DHX37: variants seen among roughly 807,000 people sequenced by gnomAD.
DHX37 encodes probable ATP-dependent RNA helicase DHX37.
In DHX37, 52 loss-of-function variants were observed where a neutral mutation model predicts 134.3. The observed-to-expected ratio is 0.39, with a 90% confidence interval of 0.31 to 0.49. The LOEUF (loss-of-function observed/expected upper bound fraction) is 0.49, where lower values mean the gene tolerates loss of function less well. Among genes scored for constraint, DHX37 ranks in the 20% least tolerant of loss-of-function variants. DHX37 has a pLI of 0.93. For missense variants in DHX37, 1,344 were observed against 1,580.8 expected, an observed-to-expected ratio of 0.85 and a Z score of 2.54; for synonymous variants, 634 against 670.7, an observed-to-expected ratio of 0.95 and a Z score of 0.85.
intron 21 of DHX37, 110 bp from the exon 22 acceptor site, chr12:124,950,914 G>A: frequency 7.2e-7 from 1 of 1,398,548 alleles, no homozygotes; most frequent in South Asian, 1.6e-5. Flanking sequence ...GCAAAAGTGG[G>A]AGAGTGCTCC....
Position 124,948,161 on chromosome 12 carries a change from C to T in DHX37, c.3311G>A (p.Ser1104Asn). 6.2e-7 allele frequency: 1 copy of T among 1,614,148 alleles called. No homozygotes were observed. The highest frequency in any genetic ancestry group is 8.5e-7 in the Non-Finnish European group (1 of 1,180,036). Residue 1104 changes from serine (S) to asparagine (N), a missense_variant, in exon 26 of 27, where the codon AGC becomes AAC. Physicochemically the swap from Ser to Asn is conservative, Grantham distance 46 (BLOSUM62 1). Around this residue, in one of 7 missense-constraint regions of DHX37, gnomAD observed 558 missense variants for 650.0 expected, o/e 0.86. Transcript: ENST00000308736. ...TWARLQPRTESLLRALVAEKA... is the reference protein window; with the variant it reads ...TWARLQPRTENLLRALVAEKA... Reference sequence around the variant, plus strand: ...CTCTGCAACCAGGGCTCGCAGAAGGCTCTCCGTACGGGGCTGCAGCCTGTG... The same window carrying T: ...CTCTGCAACCAGGGCTCGCAGAAGGTTCTCCGTACGGGGCTGCAGCCTGTG...
At chr12:124,973,658 T>TTTTTA (rs1954567642) in intron 6 of DHX37, among the ~76,000 whole-genome samples, 1 of 148,278 alleles carries the variant, frequency 6.7e-6, no homozygotes, top group African/African-American at 2.5e-5. Flanking sequence ...TTTTTTTTTT[T>TTTTTA]GAGATGGAGT....
At chr12:124,963,895 A>AAG (rs1266434465) in intron 15 of DHX37, among the ~76,000 whole-genome samples, 2 of 111,518 alleles carry the variant, frequency 1.8e-5, no homozygotes, top group African/African-American at 6.6e-5. Flanking sequence ...AAAAAAAAAA[A>AAG]AAAAAAAAAG....
intron 20 of DHX37, 187 bp downstream of exon 20, chr12:124,953,693 G>T: frequency 1.9e-6 from 2 of 1,056,024 alleles, no homozygotes; most frequent in Non-Finnish European, 1.3e-6. Context: ...ATCTGTTAGT[G>T]CCCTGCTCAT....
chr12:124,953,709 C>T, intron 20 of DHX37, 171 bp downstream of exon 20: 1 of 1,194,932 alleles, frequency 8.4e-7, no homozygotes, highest in South Asian at 1.6e-5. Context: ...CTCATGTGCA[C>T]ATTCCCTTGT....
intron 7 of DHX37, 105 bp from the exon 8 acceptor site, chr12:124,971,520 G>A: frequency 6.6e-7 from 1 of 1,507,534 alleles, no homozygotes; most frequent in Non-Finnish European, 8.9e-7. Flanking sequence ...AGGAAGGGCA[G>A]CTGCTCTTCA....
At chr12:124,972,712 CTGGCAACCT>C in intron 6 of DHX37, 113 bp from the exon 7 acceptor site, 1 of 938,016 alleles carries the variant, frequency 1.1e-6, no homozygotes, top group South Asian at 1.4e-5. Flanking sequence ...GCAGGGCCCG[CTGGCAACCT>C]GAAACAAGTC....
rs148702687 is a variant in DHX37 at position 124,966,928 on chromosome 12, G to A, written c.1505-50C>T. ...AAAGGCGTCTGTGGCCGGCGTGGTCGCCAGCACACTGCCCTTTGTTGTTCA... is the reference window on the plus strand; with the variant it reads ...AAAGGCGTCTGTGGCCGGCGTGGTCACCAGCACACTGCCCTTTGTTGTTCA... On this transcript the variant is annotated intron_variant, in intron 11 of 26. Coordinates refer to ENST00000308736, the MANE Select transcript of DHX37 (RefSeq NM_032656.4). 1.4e-4 allele frequency: 223 copies of A among 1,608,242 alleles called. 2 individuals are homozygous for A. The African/African-American group carries it at 1.6e-3, about 12-fold the overall frequency.
intron 6 of DHX37, 32 bp downstream of exon 6, chr12:124,975,387 C>T: frequency 3.1e-6 from 5 of 1,608,014 alleles, no homozygotes; most frequent in Non-Finnish European, 3.4e-6. Context: ...AGGACCACCC[C>T]ATAGTCCGCC....
intron 21 of DHX37, among the ~76,000 whole-genome samples, chr12:124,952,034 C>A (rs1594472326): frequency 6.6e-6 from 1 of 152,080 alleles, no homozygotes; most frequent in African/African-American, 2.4e-5. Context: ...GCAGTCCCAA[C>A]TACTCAGGAG....
At chr12:124,987,235 C>T (rs1319850694) in intron 1 of DHX37, among the ~76,000 whole-genome samples, 2 of 152,172 alleles carry the variant, frequency 1.3e-5, no homozygotes, top group African/African-American at 4.8e-5. Flanking sequence ...CCCAGCTACA[C>T]AGGAGGCTGA....
At chr12:124,966,654 G>A in intron 12 of DHX37, 139 bp downstream of exon 12, 2 of 886,162 alleles carry the variant, frequency 2.3e-6, no homozygotes, top group South Asian at 1.6e-5. Context: ...ATGAGCCACT[G>A]TGCCTGACCA....
rs2135934714 is a variant in DHX37 at position 124,956,973 on chromosome 12, A to T, written c.2264+56T>A. Reference sequence around the variant, plus strand: ...CTTGAGGCAGCTCAGGCCCAGCAAAAGGGAGAGAGGGCCCTGAACGGGGCA... The same window carrying T: ...CTTGAGGCAGCTCAGGCCCAGCAAATGGGAGAGAGGGCCCTGAACGGGGCA... On this transcript the variant is annotated intron_variant, in intron 17 of 26. Coordinates refer to ENST00000308736, the MANE Select transcript of DHX37 (RefSeq NM_032656.4). 4 of 1,520,730 alleles carry T rather than the reference A, an allele frequency of 2.6e-6. No homozygotes were observed. The East Asian group carries it at 9.5e-5, about 36-fold the overall frequency. The allele number at this position is 1,520,730 out of a possible 1,614,324, so 94.2% of individuals were successfully genotyped here.
chr12:124,960,002 G>A (rs1228104108), intron 16 of DHX37, among the ~76,000 whole-genome samples: 1 of 152,240 alleles, frequency 6.6e-6, no homozygotes, highest in African/African-American at 2.4e-5. Flanking sequence ...CTGGGTCGGA[G>A]AAGGCTGCAG....
chr12:124,948,139 T>G lies in DHX37; in HGVS notation c.3333A>C (p.Ala1111=). The G allele has an allele frequency of 1.2e-6, 2 of 1,614,238 alleles. No individual in the cohort carries two copies. ...RTESLLRALV[A]EKADCHEALL... ...AGGCTTCATGGCAGTCAGCCTTCTC[T>G]GCAACCAGGGCTCGCAGAAGGCTCT... The change falls in exon 26 of 27, where the codon GCA becomes GCC. Residue 1111 remains alanine, a synonymous_variant. Coordinates refer to ENST00000308736, the MANE Select transcript of DHX37 (RefSeq NM_032656.4).
intron 1 of DHX37, among the ~76,000 whole-genome samples, chr12:124,987,822 T>A (rs1954904067): frequency 6.6e-6 from 1 of 152,144 alleles, no homozygotes; most frequent in Admixed American, 6.6e-5. Context: ...AATGCTCCAA[T>A]GAGCATTTCC....
chr12:124,980,994 A>C lies in DHX37; in HGVS notation c.390-156T>G. On this transcript the variant is annotated intron_variant, in intron 3 of 26. Coordinates refer to ENST00000308736, the MANE Select transcript of DHX37 (RefSeq NM_032656.4). This position sits in a 1 kb window ranked among gnomAD's most constrained non-coding sequence, Gnocchi z 5.3. The stretch of plus-strand genomic sequence containing the variant: ...GCAGATACCTCCTCTCACTCCACTT[A>C]AGCCTCTGCTTAAGCACTAGCTGTC... 1 of 331,768 alleles carries C rather than the reference A, an allele frequency of 3.0e-6. No individual in the cohort carries two copies. Among genetic ancestry groups the C allele is most frequent in the Non-Finnish European group, 4.3e-6 (1 of 232,926 alleles). The allele number at this position is 331,768 out of a possible 1,614,324, so 20.6% of individuals were successfully genotyped here. A position where few individuals can be genotyped will look rare whatever the true frequency, so the allele number is the denominator to read the frequency against.
rs773001817 is a variant in DHX37 at position 124,953,995 on chromosome 12, G to A, written c.2580C>T (p.Gly860=). 1.2e-5 allele frequency: 19 copies of A among 1,613,538 alleles called. No homozygotes were observed. Among genetic ancestry groups the A allele is most frequent in the South Asian group, 6.6e-5 (6 of 91,094 alleles). ...TGGCATACTCACAGGCTCCCACGGC[G>A]CCTGGGGAACGAAGAGGGGGCATGC... is the stretch of plus-strand genomic sequence containing the variant. ...LKLGDLMVLL[G]AVGACEYASC... The change falls in exon 20 of 27, where the codon GGC becomes GGT. Residue 860 remains glycine (G), a splice_region_variant and synonymous_variant. Coordinates refer to ENST00000308736, the MANE Select transcript of DHX37 (RefSeq NM_032656.4).
chr12:124,968,489 T>C (rs753206595), intron 10 of DHX37, 45 bp downstream of exon 10: 2 of 1,603,182 alleles, frequency 1.2e-6, no homozygotes, highest in Non-Finnish European at 1.7e-6. Flanking sequence ...TCAGCGAGGG[T>C]TTAGGAAGGG....
Sources: gnomAD v4.1 joint callset for allele counts (sites outside exome capture counted in the v4.1 genomes callset) on GRCh38, gnomAD v4.1.1 for gene constraint, gnomAD v4.1.1 regional missense constraint, Gnocchi (gnomAD v3.1) non-coding constraint, MANE v1.5 for transcripts, NCBI Gene and HGNC (gene_info 2026-07-23, HGNC 2026-07-21) for gene names.